Variants in MCC observed in about 807,000 individuals in gnomAD.
MCC encodes colorectal mutant cancer protein.
In MCC, 90 loss-of-function variants were observed where a neutral mutation model predicts 116.2. That is an observed-to-expected ratio of 0.77 (90% confidence interval 0.65 to 0.92). The LOEUF (loss-of-function observed/expected upper bound fraction) is 0.92, where lower values mean the gene tolerates loss of function less well. MCC is among the 40% of genes least tolerant of loss of function. MCC has a pLI of 0.00. For missense variants in MCC, 1,516 were observed against 1,312.2 expected (o/e 1.16, Z -2.40); for synonymous variants, 578 against 510.5 (o/e 1.13, Z -1.78).
chr5:113,102,372 A>G (rs1002064375), intron 7 of MCC, among the ~76,000 whole-genome samples: 4 of 152,238 alleles, frequency 2.6e-5, no homozygotes, highest in Non-Finnish European at 4.4e-5. Context: ...TCTAACTTGA[A>G]GTTTCCTAAA....
chr5:113,103,190 G>A (rs1756533421), intron 7 of MCC, among the ~76,000 whole-genome samples: 1 of 152,082 alleles, frequency 6.6e-6, no homozygotes, highest in Non-Finnish European at 1.5e-5. Flanking sequence ...AAAAACATAA[G>A]GGTACATCAC....
intron 4 of MCC, 121 bp downstream of exon 4, chr5:113,151,188 A>C (rs915337410): frequency 1.5e-6 from 1 of 650,078 alleles, no homozygotes; most frequent in Non-Finnish European, 2.7e-6. Context: ...ACCAAGACAG[A>C]GTATTTGCTG....
At chr5:113,260,104 CAGA>C (rs2150348038) in intron 3 of MCC, among the ~76,000 whole-genome samples, 2 of 152,046 alleles carry the variant, frequency 1.3e-5, no homozygotes, top group South Asian at 4.1e-4. Context: ...TCCTTAAACG[CAGA>C]AGTTCATCTA....
At chr5:113,283,610 C>A (rs1766137177) in intron 3 of MCC, among the ~76,000 whole-genome samples, 1 of 152,186 alleles carries the variant, frequency 6.6e-6, no homozygotes, top group South Asian at 2.1e-4. Context: ...TCCCTGTCAA[C>A]ATACAGCAGC....
intron 1 of MCC, among the ~76,000 whole-genome samples, chr5:113,410,559 G>A (rs1156303358): frequency 2.0e-5 from 3 of 152,158 alleles, no homozygotes; most frequent in East Asian, 1.9e-4. Flanking sequence ...ATCTGACACT[G>A]CGGGATAGTA....
chr5:113,434,177 G>A lies in MCC; in HGVS notation c.171-48965C>T, dbSNP rs1363864617. 6.2e-7 allele frequency: 1 copy of A among 1,614,174 alleles called. No individual in the cohort carries two copies. ...CCTTCTGGATACGCAGCATCTTCTT[G>A]ATGTTGGAGTCGTCGTAGGGCATGG... On this transcript the variant is annotated intron_variant, in intron 1 of 18. Coordinates refer to ENST00000408903, the MANE Select transcript of MCC (RefSeq NM_001085377.2). This position sits in a 1 kb window ranked among gnomAD's most constrained non-coding sequence, Gnocchi z 4.2.
chr5:113,110,098 C>T (rs749247163), intron 6 of MCC, among the ~76,000 whole-genome samples: 1 of 152,148 alleles, frequency 6.6e-6, no homozygotes, highest in Non-Finnish European at 1.5e-5. Context: ...GGGTTACAGG[C>T]GTGAGCTACC....
intron 2 of MCC, among the ~76,000 whole-genome samples, chr5:113,375,056 C>CA (rs1218297007): frequency 6.6e-6 from 1 of 151,796 alleles, no homozygotes; most frequent in Non-Finnish European, 1.5e-5. Context: ...TTCCCACACC[C>CA]AACCACAGCT....
At chr5:113,155,915 A>C (rs1327380798) in intron 3 of MCC, among the ~76,000 whole-genome samples, 1 of 152,180 alleles carries the variant, frequency 6.6e-6, no homozygotes, top group African/African-American at 2.4e-5. Context: ...CCATGTGACA[A>C]AGTTCTGGCC....
chr5:113,334,756 A>C (rs975378262), intron 3 of MCC, among the ~76,000 whole-genome samples: 1 of 150,580 alleles, frequency 6.6e-6, no homozygotes. Flanking sequence ...ACACCCGGCT[A>C]ATTTTTGTAT....
At chr5:113,267,834 T>C (rs1765475710) in intron 3 of MCC, among the ~76,000 whole-genome samples, 1 of 152,220 alleles carries the variant, frequency 6.6e-6, no homozygotes, top group South Asian at 2.1e-4. Flanking sequence ...TTGTATACCT[T>C]AAATGGATAA....
chr5:113,042,878 C>T (rs1237410219), intron 17 of MCC, among the ~76,000 whole-genome samples: 1 of 151,966 alleles, frequency 6.6e-6, no homozygotes, highest in East Asian at 1.9e-4. Flanking sequence ...GGAATTTCAG[C>T]TGTCTTTGTT....
At chr5:113,143,640 A>G (rs1202700813) in intron 4 of MCC, among the ~76,000 whole-genome samples, 2 of 152,196 alleles carry the variant, frequency 1.3e-5, no homozygotes, top group African/African-American at 4.8e-5. Flanking sequence ...GGGCTATTCA[A>G]GTCCCCCACT....
chr5:113,247,158 T>C (rs1764612864), intron 3 of MCC, among the ~76,000 whole-genome samples: 1 of 152,222 alleles, frequency 6.6e-6, no homozygotes, highest in African/African-American at 2.4e-5. Flanking sequence ...AGGTAGGGCG[T>C]ATACTTGAAA....
At chr5:113,061,173 T>G (rs1229790409) in intron 14 of MCC, among the ~76,000 whole-genome samples, 1 of 152,226 alleles carries the variant, frequency 6.6e-6, no homozygotes, top group Non-Finnish European at 1.5e-5. Flanking sequence ...CCTGGCTACC[T>G]GGAGGTACCT....
chr5:113,399,949 C>T (rs866457830), intron 1 of MCC: 3 of 152,110 alleles, frequency 2.0e-5, no homozygotes, highest in South Asian at 2.1e-4. Flanking sequence ...CCAGGTGAAA[C>T]GTCAAGAATG....
At chr5:113,089,423 G>C (rs1048585790) in intron 8 of MCC, among the ~76,000 whole-genome samples, 3 of 152,244 alleles carry the variant, frequency 2.0e-5, no homozygotes, top group African/African-American at 7.2e-5. Flanking sequence ...AAAATCATTT[G>C]ATTAGAGGAG....
intron 1 of MCC, among the ~76,000 whole-genome samples, chr5:113,425,643 T>C (rs1434118407): frequency 2.0e-5 from 3 of 152,150 alleles, no homozygotes; most frequent in Non-Finnish European, 2.9e-5. Flanking sequence ...ATATCTACAA[T>C]TGAAGAAAAC....
rs199886106 is a variant in MCC at position 113,085,249 on chromosome 5, C to T, written c.1460G>A (p.Arg487His). The T allele has an allele frequency of 1.7e-5, 28 of 1,614,122 alleles. 1 individual carries two copies. In the East Asian group the frequency reaches 2.9e-4, roughly 17 times the overall value. ...AATCGGGCGGTTGGTGGAAGTGAGGCGGCCAGGGCTGGAGGGACCTGTGGC... is the reference window on the plus strand; with the variant it reads ...AATCGGGCGGTTGGTGGAAGTGAGGTGGCCAGGGCTGGAGGGACCTGTGGC... ...VQATGPSSPG[R>H]LTSTNRPINP... is the part of the protein sequence containing the mutation. Residue 487 changes from arginine (R) to histidine (H), a missense_variant, in exon 9 of 19, where the codon CGC becomes CAC. Arg to His is a conservative substitution (Grantham distance 29). Coordinates refer to ENST00000408903, the MANE Select transcript of MCC (RefSeq NM_001085377.2).
Sources: allele counts gnomAD v4.1 joint callset (sites outside exome capture counted in the v4.1 genomes callset), GRCh38; gene constraint gnomAD v4.1.1; non-coding constraint Gnocchi (gnomAD v3.1); transcripts MANE v1.5; gene names NCBI Gene and HGNC (gene_info 2026-07-23, HGNC 2026-07-21).